SPOCK3: variants seen among roughly 807,000 people sequenced by gnomAD.
SPOCK3 encodes the protein SPARC (osteonectin), cwcv and kazal like domains proteoglycan 3, also known as testican-3.
In SPOCK3, 30 loss-of-function variants were observed where a neutral mutation model predicts 56.6. The observed-to-expected ratio is 0.53, with a 90% CI of 0.40 to 0.72. The LOEUF (loss-of-function observed/expected upper bound fraction) is 0.72. SPOCK3 is among the 30% of genes least tolerant of loss of function. The pLI is 0.00. For missense variants in SPOCK3, 527 were observed against 530.0 expected (o/e 0.99, Z 0.06); for synonymous variants, 196 against 183.3 (o/e 1.07, Z -0.56).
At chr4:167,072,352 A>T (rs916808501) in intron 2 of SPOCK3, among the ~76,000 whole-genome samples, 3 of 151,994 alleles carry the variant, frequency 2.0e-5, no homozygotes, top group African/African-American at 4.8e-5. Context: ...TACATGTTAT[A>T]ACTGCTTTAG....
At chr4:167,206,394 G>GA (rs1734336666) in intron 2 of SPOCK3, among the ~76,000 whole-genome samples, 1 of 149,602 alleles carries the variant, frequency 6.7e-6, no homozygotes, top group South Asian at 2.1e-4. Flanking sequence ...ATCCTGAAGA[G>GA]AAAATAACAT....
intron 6 of SPOCK3, among the ~76,000 whole-genome samples, chr4:166,813,975 TA>T (rs1744117488): frequency 6.6e-6 from 1 of 152,086 alleles, no homozygotes; most frequent in African/African-American, 2.4e-5. Context: ...AAATTGATGG[TA>T]AAACTTGAGT....
chr4:167,052,635 A>G (rs1463561287), intron 3 of SPOCK3, among the ~76,000 whole-genome samples: 1 of 152,186 alleles, frequency 6.6e-6, no homozygotes, highest in Non-Finnish European at 1.5e-5. Flanking sequence ...TTTTTCCACT[A>G]GAAAAATGCC....
At chr4:166,894,865 A>C (rs776530527) in intron 5 of SPOCK3, among the ~76,000 whole-genome samples, 16 of 152,328 alleles carry the variant, frequency 1.1e-4, no homozygotes, top group Admixed American at 2.6e-4. Context: ...AAAACTAAAC[A>C]CACCTCAAAA....
chr4:167,181,643 T>C (rs1303107237), intron 2 of SPOCK3, among the ~76,000 whole-genome samples: 1 of 152,148 alleles, frequency 6.6e-6, no homozygotes, highest in East Asian at 1.9e-4. Context: ...GTAACTCAAA[T>C]TCCCATACTC....
intron 2 of SPOCK3, among the ~76,000 whole-genome samples, chr4:167,221,138 T>A (rs1211791625): frequency 3.3e-5 from 5 of 151,846 alleles, no homozygotes; most frequent in African/African-American, 9.7e-5. Context: ...GGCGGGAGGA[T>A]GGCTTGAGCC....
intron 2 of SPOCK3, among the ~76,000 whole-genome samples, chr4:167,224,533 A>G (rs2111132764): frequency 6.6e-6 from 1 of 152,340 alleles, no homozygotes; most frequent in African/African-American, 2.4e-5. Flanking sequence ...TGTTTAAAAT[A>G]GCCATGTATA....
intron 2 of SPOCK3, among the ~76,000 whole-genome samples, chr4:167,196,517 C>T (rs1014908770): frequency 6.8e-6 from 1 of 147,530 alleles, no homozygotes; most frequent in African/African-American, 2.5e-5. Flanking sequence ...TTCTTTCTTT[C>T]TTTTTTTTTT....
chr4:167,187,180 G>A (rs1364524263), intron 2 of SPOCK3, among the ~76,000 whole-genome samples: 1 of 151,776 alleles, frequency 6.6e-6, no homozygotes, highest in African/African-American at 2.4e-5. Flanking sequence ...AATTCTTTCA[G>A]GATGTCATGC....
intron 9 of SPOCK3, among the ~76,000 whole-genome samples, chr4:166,738,557 G>C (rs1462133374): frequency 6.7e-6 from 1 of 148,774 alleles, no homozygotes; most frequent in Non-Finnish European, 1.5e-5. Flanking sequence ...CCATGCTGCT[G>C]TGCTGCACCC....
At chr4:167,049,901 G>A (rs1754043496) in intron 3 of SPOCK3, among the ~76,000 whole-genome samples, 1 of 152,098 alleles carries the variant, frequency 6.6e-6, no homozygotes, top group Admixed American at 6.5e-5. Context: ...TCTGAGTTGA[G>A]AAATAAACCA....
intron 2 of SPOCK3, among the ~76,000 whole-genome samples, chr4:167,099,610 T>G (rs1431351734): frequency 6.6e-6 from 1 of 152,114 alleles, no homozygotes; most frequent in African/African-American, 2.4e-5. Flanking sequence ...CACGTTTACA[T>G]AATAAATGCA....
chr4:167,002,924 C>CTATA (rs1228434100), intron 3 of SPOCK3, among the ~76,000 whole-genome samples: 9 of 152,100 alleles, frequency 5.9e-5, no homozygotes, highest in Non-Finnish European at 1.2e-4. Flanking sequence ...TGCCTCTGTA[C>CTATA]TATATGTACA....
chr4:167,072,001 G>A (rs1756732550), intron 2 of SPOCK3, among the ~76,000 whole-genome samples: 1 of 152,006 alleles, frequency 6.6e-6, no homozygotes, highest in Non-Finnish European at 1.5e-5. Flanking sequence ...ATTAACACAT[G>A]TAAAAACATT....
chr4:166,971,294 CATAT>C (rs946479542), intron 4 of SPOCK3, among the ~76,000 whole-genome samples: 13 of 152,070 alleles, frequency 8.5e-5, no homozygotes, highest in Non-Finnish European at 8.8e-5. Context: ...CAATGTGTCA[CATAT>C]ATTTTTGTAT....
In SPOCK3 at chr4:166,752,567, TATATATACAC is replaced by T. The variant is rs1301776431; in HGVS notation, c.931+1931_931+1940del. 3.1e-4 allele frequency among the ~76,000 whole-genome samples: 34 copies of T among 111,380 alleles called. No individual in the cohort carries two copies. In the East Asian group the frequency reaches 7.7e-3, roughly 25 times the overall value. The allele number at this position is 111,380 out of a possible 152,430, so 73.1% of individuals were successfully genotyped here. On this transcript the variant is annotated intron_variant, in intron 8 of 10. Transcript: ENST00000357545. ...CTATATGTGTGTATATATATATATA[TATATATACAC>T]ACACACACACACACACACACACACA...
At chr4:167,012,479 G>A (rs1750179193) in intron 3 of SPOCK3, among the ~76,000 whole-genome samples, 1 of 151,830 alleles carries the variant, frequency 6.6e-6, no homozygotes, top group South Asian at 2.1e-4. Context: ...TTACATTTAG[G>A]TGATGTAGTT....
chr4:167,106,488 G>C (rs1482239928), intron 2 of SPOCK3, among the ~76,000 whole-genome samples: 1 of 151,660 alleles, frequency 6.6e-6, no homozygotes, highest in Non-Finnish European at 1.5e-5. Flanking sequence ...AGCAAAGGCA[G>C]TACTAAGAGG....
At chr4:166,834,189 A>G (rs576416428) in intron 6 of SPOCK3, among the ~76,000 whole-genome samples, 1 of 152,242 alleles carries the variant, frequency 6.6e-6, no homozygotes, top group Admixed American at 6.5e-5. Flanking sequence ...AAGTCCACGG[A>G]AAATAACCTA....
Sources: gnomAD v4.1 joint callset for allele counts (sites outside exome capture counted in the v4.1 genomes callset) on GRCh38, gnomAD v4.1.1 for gene constraint, MANE v1.5 for transcripts, NCBI Gene and HGNC (gene_info 2026-07-23, HGNC 2026-07-21) for gene names.